C1QTNF7: variants seen among roughly 807,000 people sequenced by gnomAD.
C1QTNF7 encodes C1q and TNF related 7.
Under a neutral mutation model 19.6 loss-of-function variants are expected in C1QTNF7, and 15 were observed. The observed-to-expected ratio is 0.76, with a 90% CI of 0.51 to 1.18. The LOEUF is 1.18. C1QTNF7 is among the 50% of genes most tolerant of loss of function. The pLI is 0.00. For missense variants in C1QTNF7, 324 were observed against 359.7 expected (o/e 0.90, Z 0.80); for synonymous variants, 142 against 137.5 (o/e 1.03, Z -0.23).
At chr4:15,406,433 A>G (rs114847437) in intron 1 of C1QTNF7, among the ~76,000 whole-genome samples, 271 of 152,242 alleles carry the variant, frequency 1.8e-3, no homozygotes, top group African/African-American at 6.4e-3. Flanking sequence ...AAGATGAACT[A>G]TGTGTGCTCG....
intron 1 of C1QTNF7, among the ~76,000 whole-genome samples, chr4:15,362,740 C>T (rs1182207164): frequency 2.0e-5 from 3 of 152,190 alleles, no homozygotes; most frequent in African/African-American, 7.2e-5. Flanking sequence ...TTTCATGCCT[C>T]TACACCACAC....
chr4:15,382,855 G>A (rs535789237), intron 1 of C1QTNF7, among the ~76,000 whole-genome samples: 1 of 152,238 alleles, frequency 6.6e-6, no homozygotes, highest in African/African-American at 2.4e-5. Context: ...TTCGGACTAA[G>A]TATCCAGCTC....
At chr4:15,385,377 G>A (rs149310617) in intron 1 of C1QTNF7, among the ~76,000 whole-genome samples, 47 of 152,340 alleles carry the variant, frequency 3.1e-4, no homozygotes, top group African/African-American at 1.1e-3. Flanking sequence ...TGGGAGCCAT[G>A]GGAAGCCAAT....
rs116746260 is a variant in C1QTNF7 at position 15,375,125 on chromosome 4, A to G, written c.13+34918A>G. Among the ~76,000 whole-genome samples, 1,466 of 151,966 alleles carry G rather than the reference A, an allele frequency of 9.6e-3. 30 individuals are homozygous for G. The highest frequency in any genetic ancestry group is 0.033 in the African/African-American group (1,386 of 41,440). ...CAAGCAGAAGTGTCTCTGTAACCCTACTCTGAAAAACAGAATTGTCATCGT... is the reference window on the plus strand; with the variant it reads ...CAAGCAGAAGTGTCTCTGTAACCCTGCTCTGAAAAACAGAATTGTCATCGT... On this transcript the variant is annotated intron_variant, in intron 1 of 2. Coordinates refer to the C1QTNF7 transcript ENST00000295297.
At chr4:15,379,182 G>A (rs1172165491) in intron 1 of C1QTNF7, among the ~76,000 whole-genome samples, 1 of 152,124 alleles carries the variant, frequency 6.6e-6, no homozygotes, top group Admixed American at 6.5e-5. Context: ...TTGTAAACAA[G>A]TTCCCGAGTT....
At chr4:15,389,535 T>G (rs1166152227) in intron 1 of C1QTNF7, among the ~76,000 whole-genome samples, 2 of 152,204 alleles carry the variant, frequency 1.3e-5, no homozygotes, top group Non-Finnish European at 2.9e-5. Context: ...TTCTCCTGCC[T>G]CAGCTTCCCA....
At chr4:15,414,450 T>C (rs930254866) in intron 1 of C1QTNF7, among the ~76,000 whole-genome samples, 7 of 152,174 alleles carry the variant, frequency 4.6e-5, no homozygotes, top group Non-Finnish European at 1.0e-4. Flanking sequence ...CTCATAGTTC[T>C]GCAGCTTGAT....
At chr4:15,345,412 A>G (rs1245672352) in intron 1 of C1QTNF7, among the ~76,000 whole-genome samples, 2 of 152,180 alleles carry the variant, frequency 1.3e-5, no homozygotes, top group Admixed American at 6.5e-5. Context: ...CAGGGTGACG[A>G]TTTCTACTTC....
At chr4:15,387,659 G>A (rs1020661335) in intron 1 of C1QTNF7, among the ~76,000 whole-genome samples, 2 of 152,148 alleles carry the variant, frequency 1.3e-5, no homozygotes, top group African/African-American at 4.8e-5. Flanking sequence ...ATTGTAGAGA[G>A]TGAATAGAAA....
At chr4:15,422,165 A>G (rs1374790718) in intron 1 of C1QTNF7, among the ~76,000 whole-genome samples, 1 of 150,424 alleles carries the variant, frequency 6.6e-6, no homozygotes, top group East Asian at 2.0e-4. Flanking sequence ...CAAAAGGGTA[A>G]ATTTTACATT....
At chr4:15,400,802 A>G (rs1383959627) in intron 1 of C1QTNF7, among the ~76,000 whole-genome samples, 1 of 152,222 alleles carries the variant, frequency 6.6e-6, no homozygotes, top group Non-Finnish European at 1.5e-5. Context: ...CATAAATACA[A>G]AAGCCTTTAT....
intron 1 of C1QTNF7, among the ~76,000 whole-genome samples, chr4:15,366,653 T>C (rs1472979644): frequency 2.0e-5 from 3 of 152,206 alleles, no homozygotes; most frequent in Admixed American, 6.6e-5. Context: ...TTTTCTTCTC[T>C]TTTTTAAATT....
At chr4:15,384,854 G>A (rs1300296993) in intron 1 of C1QTNF7, among the ~76,000 whole-genome samples, 2 of 152,148 alleles carry the variant, frequency 1.3e-5, no homozygotes, top group Admixed American at 1.3e-4. Context: ...GGCCTCCGGG[G>A]AGTGGGGTTG....
chr4:15,383,694 G>C (rs1718228769), intron 1 of C1QTNF7, among the ~76,000 whole-genome samples: 1 of 152,172 alleles, frequency 6.6e-6, no homozygotes, highest in South Asian at 2.1e-4. Flanking sequence ...CCCAACCACA[G>C]AATACTAGGC....
chr4:15,417,792 T>C (rs748868037), intron 1 of C1QTNF7, among the ~76,000 whole-genome samples: 28 of 152,146 alleles, frequency 1.8e-4, no homozygotes, highest in Non-Finnish European at 3.4e-4. Flanking sequence ...ATAAAAAGCA[T>C]GGTGCTGGCA....
intron 1 of C1QTNF7, among the ~76,000 whole-genome samples, chr4:15,389,732 C>G (rs568393551): frequency 6.6e-6 from 1 of 152,172 alleles, no homozygotes; most frequent in Admixed American, 6.5e-5. Flanking sequence ...AATGAGAAGT[C>G]TTGTGTGGAG....
chr4:15,383,088 G>T (rs1718206847), intron 1 of C1QTNF7, among the ~76,000 whole-genome samples: 1 of 152,084 alleles, frequency 6.6e-6, no homozygotes, highest in Non-Finnish European at 1.5e-5. Context: ...TCCTCTCACT[G>T]AGCAACTTCA....
chr4:15,346,168 A>T (rs1716712277), intron 1 of C1QTNF7, among the ~76,000 whole-genome samples: 1 of 152,214 alleles, frequency 6.6e-6, no homozygotes, highest in South Asian at 2.1e-4. Flanking sequence ...AACCCAAAGA[A>T]TGGTTTATTA....
chr4:15,386,045 G>A (rs953371100), intron 1 of C1QTNF7, among the ~76,000 whole-genome samples: 12 of 152,186 alleles, frequency 7.9e-5, no homozygotes, highest in African/African-American at 2.9e-4. Context: ...AGACCTGGAA[G>A]CCAAAACCAA....
Sources: allele counts gnomAD v4.1 joint callset (sites outside exome capture counted in the v4.1 genomes callset), GRCh38; gene constraint gnomAD v4.1.1; transcripts MANE v1.5; gene names NCBI Gene and HGNC (gene_info 2026-07-23, HGNC 2026-07-21).